The following FRY variants were observed in gnomAD, a reference collection of about 807,000 sequenced individuals.
FRY encodes the protein FRY microtubule binding protein.
Under a neutral mutation model 348.4 loss-of-function variants are expected in FRY, and 128 were observed. The ratio of observed to expected loss-of-function variants is 0.37; its 90% CI spans 0.32 to 0.43. The LOEUF (loss-of-function observed/expected upper bound fraction) is 0.43. FRY is among the 20% of genes least tolerant of loss of function. The pLI is 1.00. For synonymous variants in FRY, 1,370 were observed against 1,374.7 expected (o/e 1.00, Z 0.08); for missense variants, 2,736 against 3,695.2 (o/e 0.74, Z 6.73).
chr13:32,117,204 T>C, intron 3 of FRY, 130 bp from the exon 4 acceptor site: 1 of 804,058 alleles, frequency 1.2e-6, no homozygotes, highest in East Asian at 2.7e-5. Flanking sequence ...ATAAAGATTA[T>C]GAAAGAAAGG....
At chr13:32,217,555 A>G (rs182845038) in intron 35 of FRY, among the ~76,000 whole-genome samples, 59 of 152,252 alleles carry the variant, frequency 3.9e-4, no homozygotes, top group African/African-American at 1.3e-3. Flanking sequence ...CCTTTTTGCA[A>G]TTGTGGAAAT....
chr13:32,199,645 G>A (rs1420336902), intron 29 of FRY, among the ~76,000 whole-genome samples: 2 of 152,196 alleles, frequency 1.3e-5, no homozygotes, highest in African/African-American at 2.4e-5. Context: ...CCAACTTGCA[G>A]CCCTGTGAGT....
At chr13:32,162,653 G>C (rs1881516628) in intron 17 of FRY, among the ~76,000 whole-genome samples, 1 of 152,136 alleles carries the variant, frequency 6.6e-6, no homozygotes. Flanking sequence ...GTTTCCTGAA[G>C]GTCTGTTACC....
rs61946692 is a variant in FRY at position 32,081,935 on chromosome 13, T to C, written c.270+2902T>C. 5.5e-3 allele frequency among the ~76,000 whole-genome samples: 838 copies of C among 152,326 alleles called. 7 individuals carry two copies. Among genetic ancestry groups the C allele is most frequent in the Non-Finnish European group, 9.9e-3 (673 of 68,030 alleles). On this transcript the variant is annotated intron_variant, in intron 2 of 60. Coordinates refer to ENST00000542859, the MANE Select transcript of FRY (RefSeq NM_023037.3). ...TTCTTTTACAAAGACATTGAATGCT[T>C]TAAAACCCTGAATTTATGCGGGTTT...
intron 1 of FRY, among the ~76,000 whole-genome samples, chr13:32,068,899 C>T (rs193248392): frequency 6.7e-6 from 1 of 149,222 alleles, no homozygotes; most frequent in African/African-American, 2.5e-5. Flanking sequence ...TATGGATCCT[C>T]CATGTTCAAT....
intron 14 of FRY, among the ~76,000 whole-genome samples, chr13:32,154,116 G>A (rs1203758299): frequency 6.6e-6 from 1 of 152,050 alleles, no homozygotes; most frequent in Non-Finnish European, 1.5e-5. Context: ...TATTATATTA[G>A]TACTACATCT....
At chr13:32,070,560 T>G (rs1234342793) in intron 1 of FRY, among the ~76,000 whole-genome samples, 2,879 of 35,408 alleles carry the variant, frequency 0.081, 50 homozygotes, top group Non-Finnish European at 0.13. Flanking sequence ...TTTGATGGGT[T>G]TTTTTTTTTT....
At position 32,171,106 on chromosome 13, in the gene FRY, C is replaced by A; in HGVS notation, c.1987C>A (p.Leu663Ile). Residue 663 changes from leucine (L) to isoleucine (I), a missense_variant, in exon 18 of 61, where the codon CTA (leucine) becomes ATA (isoleucine). By Grantham distance (5) the Leu-to-Ile change is conservative. Transcript: ENST00000542859. ...VDFSDWREDV[L>I]FGFTNFLLRE... ...CTTCTCAGATTGGAGGGAAGATGTA[C>A]TATTTGGCTTTACCAACTTCCTGCT... 1 of 1,612,914 alleles carries A rather than the reference C, an allele frequency of 6.2e-7. No individual in the cohort carries two copies. The highest frequency in any genetic ancestry group is 1.1e-5 in the South Asian group (1 of 91,050).
At chr13:32,073,484 T>C (rs1874807882) in intron 1 of FRY, among the ~76,000 whole-genome samples, 2 of 152,166 alleles carry the variant, frequency 1.3e-5, no homozygotes, top group African/African-American at 4.8e-5. Flanking sequence ...GTTTAATTTT[T>C]CCTTGTTCTT....
intron 14 of FRY, among the ~76,000 whole-genome samples, chr13:32,154,053 G>A (rs1362298683): frequency 6.6e-6 from 1 of 152,136 alleles, no homozygotes; most frequent in Non-Finnish European, 1.5e-5. Flanking sequence ...TTGCTAAATT[G>A]GATAATCCAC....
chr13:32,179,586 T>C, intron 22 of FRY, 89 bp from the exon 23 acceptor site: 2 of 1,369,162 alleles, frequency 1.5e-6, no homozygotes, highest in African/African-American at 1.4e-5. Context: ...TTCAGTACTT[T>C]GAAACTGTTA....
At chr13:32,194,757 C>T (rs1475671776) in intron 29 of FRY, among the ~76,000 whole-genome samples, 2 of 152,136 alleles carry the variant, frequency 1.3e-5, no homozygotes, top group Non-Finnish European at 2.9e-5. Flanking sequence ...ACCAAAGGTT[C>T]TATAGATTAC....
intron 48 of FRY, among the ~76,000 whole-genome samples, chr13:32,248,686 C>G (rs900781463): frequency 1.3e-5 from 2 of 152,154 alleles, no homozygotes; most frequent in African/African-American, 4.8e-5. Flanking sequence ...CATTGTGACA[C>G]CTGCATCTAT....
At chr13:32,245,489 C>T (rs921128231) in intron 47 of FRY, among the ~76,000 whole-genome samples, 1 of 151,916 alleles carries the variant, frequency 6.6e-6, no homozygotes, top group East Asian at 1.9e-4. Flanking sequence ...TGGTGCACAC[C>T]TATAGTCCCA....
intron 59 of FRY, among the ~76,000 whole-genome samples, chr13:32,292,725 G>A (rs1889434958): frequency 6.6e-6 from 1 of 151,952 alleles, no homozygotes; most frequent in African/African-American, 2.4e-5. Context: ...CCGGGAGGAG[G>A]AGGTTGCAGT....
At chr13:32,060,264 C>T (rs1334268436) in intron 1 of FRY, among the ~76,000 whole-genome samples, 1 of 152,206 alleles carries the variant, frequency 6.6e-6, no homozygotes, top group Non-Finnish European at 1.5e-5. Flanking sequence ...TTCTCAACCT[C>T]ATTAACCTAA....
At chr13:32,111,343 A>G (rs936833758) in intron 3 of FRY, among the ~76,000 whole-genome samples, 1 of 151,996 alleles carries the variant, frequency 6.6e-6, no homozygotes, top group Non-Finnish European at 1.5e-5. Context: ...CCAAAAAAAA[A>G]AAATTAGCTG....
At chr13:32,153,407 C>T (rs1880921052) in intron 14 of FRY, among the ~76,000 whole-genome samples, 2 of 152,134 alleles carry the variant, frequency 1.3e-5, no homozygotes, top group South Asian at 2.1e-4. Context: ...ATCTCAAAAG[C>T]ATTGTGCTCA....
chr13:32,187,185 A>G (rs1032523431), intron 27 of FRY, among the ~76,000 whole-genome samples: 1 of 152,212 alleles, frequency 6.6e-6, no homozygotes, highest in Non-Finnish European at 1.5e-5. Flanking sequence ...TCGAAAAGCT[A>G]TATTTATCTT....
Sources: allele counts gnomAD v4.1 joint callset (sites outside exome capture counted in the v4.1 genomes callset), GRCh38; gene constraint gnomAD v4.1.1; transcripts MANE v1.5; gene names NCBI Gene and HGNC (gene_info 2026-07-23, HGNC 2026-07-21).